ASB2: variants seen among roughly 807,000 people sequenced by gnomAD.
The protein encoded by ASB2 is ankyrin repeat and SOCS box protein 2.
In ASB2, 58 loss-of-function variants were observed where a neutral mutation model predicts 62.4. The observed-to-expected ratio is 0.93, with a 90% CI of 0.75 to 1.16. The LOEUF is 1.16. ASB2 is among the 50% of genes most tolerant of loss of function. The pLI is 0.00. For synonymous variants in ASB2, 386 were observed against 385.3 expected (o/e 1.00, Z -0.02); for missense variants, 928 against 887.9 (o/e 1.05, Z -0.57).
At chr14:93,941,648 A>G (rs190803629) in intron 7 of ASB2, 1 of 455,822 alleles carries the variant, frequency 2.2e-6, no homozygotes, top group Non-Finnish European at 4.4e-6. Context: ...CGGCCAACAA[A>G]TGCTCTGCTA....
chr14:93,938,751 C>T (rs914841526), intron 8 of ASB2, among the ~76,000 whole-genome samples: 3 of 152,192 alleles, frequency 2.0e-5, no homozygotes, highest in African/African-American at 7.2e-5. Context: ...CTTAAATTCC[C>T]CAACGCAGTG....
chr14:93,960,360 C>T (rs1173361388), intron 2 of ASB2, among the ~76,000 whole-genome samples: 2 of 152,154 alleles, frequency 1.3e-5, no homozygotes, highest in African/African-American at 4.8e-5. Context: ...AGGACCCAGC[C>T]CTGATTCACA....
intron 3 of ASB2, chr14:93,955,130 G>C (rs1409271184): frequency 4.4e-6 from 2 of 456,716 alleles, no homozygotes; most frequent in Admixed American, 4.7e-5. Context: ...GAGTCCGTGA[G>C]AACCACGATG....
intron 4 of ASB2, among the ~76,000 whole-genome samples, chr14:93,953,858 G>A (rs1303131998): frequency 1.3e-5 from 2 of 152,168 alleles, no homozygotes; most frequent in Non-Finnish European, 2.9e-5. Context: ...TGCTGCTTCA[G>A]GGCAGAGGTG....
At chr14:93,960,286 C>A (rs1233251083) in intron 2 of ASB2, among the ~76,000 whole-genome samples, 2 of 152,184 alleles carry the variant, frequency 1.3e-5, no homozygotes, top group Non-Finnish European at 2.9e-5. Context: ...GCTGTGCTCT[C>A]CCTGCTGTGT....
chr14:93,934,227 CT>C lies in ASB2; in HGVS notation c.*428del. ...AAGCCCTCCAAGACCCAGGCTCCCCCTACCCCCTACCTTGGGCCACGTCTTC... is the reference window on the plus strand; with the variant it reads ...AAGCCCTCCAAGACCCAGGCTCCCCCACCCCCTACCTTGGGCCACGTCTTC... On this transcript the variant is annotated 3_prime_UTR_variant, in exon 10 of 10. Transcript: ENST00000555019. 2.2e-6 allele frequency: 1 copy of C among 457,214 alleles called. No homozygotes were observed. Among genetic ancestry groups the C allele is most frequent in the Non-Finnish European group, 4.4e-6 (1 of 227,770 alleles). 28.3% of individuals were successfully genotyped at this position (457,214 alleles called of 1,614,324 possible). A position where few individuals can be genotyped will look rare whatever the true frequency, so the allele number is the denominator to read the frequency against.
chr14:93,957,023 T>C, intron 2 of ASB2, 153 bp from the exon 3 acceptor site: 2 of 1,527,768 alleles, frequency 1.3e-6, no homozygotes, highest in South Asian at 2.6e-5. Context: ...GGCCGGGTCC[T>C]CTGTGTGCTG....
rs117452913 is a variant in ASB2 at position 93,947,334 on chromosome 14, G to A, written c.1052+15C>T. The A allele has an allele frequency of 3.0e-3, 4,779 of 1,613,090 alleles. 10 individuals are homozygous for A. Among genetic ancestry groups the A allele is most frequent in the Non-Finnish European group, 3.8e-3 (4,433 of 1,179,524 alleles). ...TCGGGAGAGCTGCCTGGGTGCTGGC[G>A]GAGCCTGGGCTGACCTGTAGTTGCC... On this transcript the variant is annotated intron_variant, in intron 7 of 9. Coordinates refer to ENST00000555019, the MANE Select transcript of ASB2 (RefSeq NM_001202429.2).
rs542777287 is a variant in ASB2, at chr14:93,939,470, C to T, written c.1255G>A (p.Val419Met). The T allele has an allele frequency of 8.7e-6, 14 of 1,612,382 alleles. No homozygotes were observed. The South Asian group carries it at 1.4e-4, about 16-fold the overall frequency. The change falls in exon 8 of 10, where the codon GTG becomes ATG. Residue 419 changes from valine to methionine, a missense_variant. By Grantham distance (21) the Val-to-Met change is conservative. Coordinates refer to ENST00000555019, the MANE Select transcript of ASB2 (RefSeq NM_001202429.2). Reference protein sequence around the residue: ...DRRSSALYFAVVNNNVYATEL... With the variant: ...DRRSSALYFAMVNNNVYATEL... ...GTGGCGTACACGTTGTTGTTGACCA[C>T]CGCGAAGTACAGCGCGGAGCTGCGC...
At chr14:93,959,964 G>A (rs1436692170) in intron 2 of ASB2, among the ~76,000 whole-genome samples, 1 of 148,938 alleles carries the variant, frequency 6.7e-6, no homozygotes, top group Non-Finnish European at 1.5e-5. Context: ...CCCCACACCC[G>A]CCACTGTGCC....
intron 4 of ASB2, 94 bp from the exon 5 acceptor site, chr14:93,953,601 A>C: frequency 6.5e-6 from 7 of 1,075,400 alleles, no homozygotes; most frequent in African/African-American, 3.2e-5. Flanking sequence ...TTCAAGAACA[A>C]TGTATGACAT....
intron 7 of ASB2, 33 bp from the exon 8 acceptor site, chr14:93,939,705 G>T: frequency 2.2e-6 from 3 of 1,381,876 alleles, no homozygotes; most frequent in Non-Finnish European, 2.8e-6. Context: ...CGGGTGAGGG[G>T]AGGGTCGGGG....
At chr14:93,935,674 G>T (rs1042480932) in intron 9 of ASB2, among the ~76,000 whole-genome samples, 1 of 152,210 alleles carries the variant, frequency 6.6e-6, no homozygotes, top group Non-Finnish European at 1.5e-5. Context: ...CAAGCCTGGG[G>T]CTGGAGGGGC....
At position 93,939,203 on chromosome 14, in the gene ASB2, A is replaced by G. The variant is rs1179199771; in HGVS notation, c.1522T>C (p.Cys508Arg). Residue 508 changes from cysteine (C) to arginine (R), a missense_variant, in exon 8 of 10, where the codon TGC becomes CGC. Coordinates refer to ENST00000555019, the MANE Select transcript of ASB2 (RefSeq NM_001202429.2). ...LGCDGEPCFSCLYGNGPHPPA... is the reference protein window; with the variant it reads ...LGCDGEPCFSRLYGNGPHPPA... ...GGGTGCGGGCCGTTGCCGTAGAGGCATGAGAAGCAGGGCTCGCCGTCGCAG... is the reference window on the plus strand; with the variant it reads ...GGGTGCGGGCCGTTGCCGTAGAGGCGTGAGAAGCAGGGCTCGCCGTCGCAG... 3 of 1,606,842 alleles carry G rather than the reference A, an allele frequency of 1.9e-6. No homozygotes were observed. The highest frequency in any genetic ancestry group is 1.1e-5 in the South Asian group (1 of 90,884).
At chr14:93,947,995 GAAAAAAAA>G (rs55666799) in intron 6 of ASB2, among the ~76,000 whole-genome samples, 14 of 72,492 alleles carry the variant, frequency 1.9e-4, no homozygotes, top group African/African-American at 6.4e-4. Flanking sequence ...ACTCCGCCTG[GAAAAAAAA>G]AAAAAAAAAA....
Position 93,951,031 on chromosome 14 carries a change from T to G in ASB2, c.848A>C (p.Gln283Pro), listed in dbSNP as rs1170545809. 6.2e-7 allele frequency: 1 copy of G among 1,614,106 alleles called. No individual in the cohort carries two copies. The highest frequency in any genetic ancestry group is 2.2e-5 in the East Asian group (1 of 44,888). The change falls in exon 6 of 10, where the codon CAG (glutamine) becomes CCG (proline). Residue 283 changes from glutamine (Q) to proline (P), a missense_variant. Coordinates refer to ENST00000555019, the MANE Select transcript of ASB2 (RefSeq NM_001202429.2). ...TPLFVAAQSGQLEALRFLAKY... is the reference protein window; with the variant it reads ...TPLFVAAQSGPLEALRFLAKY... ...GGCTAAGAACCTCAAGGCCTCCAAC[T>G]GTCCACTCTGGGCGGCCACGAACAA...
chr14:93,970,286 G>A (rs1466744620), intron 1 of ASB2, among the ~76,000 whole-genome samples: 1 of 152,210 alleles, frequency 6.6e-6, no homozygotes, highest in African/African-American at 2.4e-5. Flanking sequence ...CCAGAGGCTT[G>A]GGTCATGCCA....
intron 5 of ASB2, among the ~76,000 whole-genome samples, chr14:93,952,018 C>T (rs1158309403): frequency 6.6e-6 from 1 of 152,154 alleles, no homozygotes; most frequent in Non-Finnish European, 1.5e-5. Context: ...AATTAACCAG[C>T]CCTGGAAGCT....
In ASB2 at chr14:93,939,136, G is replaced by A. The variant is rs200328766; in HGVS notation, c.1589C>T (p.Ala530Val). Residue 530 changes from alanine to valine, a missense_variant, in exon 8 of 10, where the codon GCG becomes GTG. Physicochemically the swap from Ala to Val is moderately conservative, Grantham distance 64. Transcript: ENST00000555019. Reference sequence around the variant, plus strand: ...CACCACGCTGGGCTCCTTGTCGGCCGCGGGCGCGTCGTTGAACCTGCTGGA... The same window carrying A: ...CACCACGCTGGGCTCCTTGTCGGCCACGGGCGCGTCGTTGAACCTGCTGGA... ...QPSSRFNDAP[A>V]ADKEPSVVQF... is the part of the protein sequence containing the mutation. 2.3e-5 allele frequency: 36 copies of A among 1,546,862 alleles called. No individual in the cohort carries two copies. Among genetic ancestry groups the A allele is most frequent in the Non-Finnish European group, 2.7e-5 (31 of 1,143,170 alleles).
Sources: allele counts gnomAD v4.1 joint callset (sites outside exome capture counted in the v4.1 genomes callset), GRCh38; gene constraint gnomAD v4.1.1; transcripts MANE v1.5; gene names NCBI Gene and HGNC (gene_info 2026-07-23, HGNC 2026-07-21).